The following RNF128 variants were observed in gnomAD, a reference collection of about 807,000 sequenced individuals.
RNF128 encodes the protein ring finger protein 128, also known as E3 ubiquitin-protein ligase RNF128.
Under a neutral mutation model 26.2 loss-of-function variants are expected in RNF128, and 13 were observed. The ratio of observed to expected loss-of-function variants is 0.50; its 90% CI spans 0.32 to 0.79. RNF128 has a LOEUF of 0.79. RNF128 is among the 30% of genes least tolerant of loss of function. The pLI, the probability that RNF128 is intolerant of heterozygous loss-of-function variation, is 0.03. For missense variants in RNF128, 315 were observed against 349.7 expected (o/e 0.90, Z 0.79); for synonymous variants, 149 against 142.5 (o/e 1.05, Z -0.32).
chrX:106,736,489 T>C (rs1010813540), intron 1 of RNF128, among the ~76,000 whole-genome samples: 1 of 111,667 alleles, frequency 9.0e-6, no homozygotes, highest in Non-Finnish European at 1.9e-5. Context: ...TTTTCAAAAA[T>C]TTTGTGCTTC....
At chrX:106,794,131 C>T (rs1930875223) in intron 6 of RNF128, among the ~76,000 whole-genome samples, 1 of 106,922 alleles carries the variant, frequency 9.4e-6, no homozygotes, top group Non-Finnish European at 1.9e-5. Flanking sequence ...AGGAAGAGCT[C>T]TTCCTTCTCC....
chrX:106,785,947 T>C (rs1352743963), intron 3 of RNF128, among the ~76,000 whole-genome samples: 1 of 111,813 alleles, frequency 8.9e-6, no homozygotes, highest in Non-Finnish European at 1.9e-5. Flanking sequence ...TGGAAACATA[T>C]ACCATGTTCA....
In RNF128 at chrX:106,794,577, A is replaced by T. The variant is rs781703895; in HGVS notation, c.1154-1003A>T. On this transcript the variant is annotated intron_variant, in intron 6 of 6. Coordinates refer to ENST00000255499, the MANE Select transcript of RNF128 (RefSeq NM_194463.2). ...CCCTAGAATCAGCCACTTCTTCAGG[A>T]GGCCTTTTACTGGAGAATAGTATTT... Among the ~76,000 whole-genome samples the T allele has an allele frequency of 7.2e-5, 8 of 110,895 alleles. No individual in the cohort carries two copies. The East Asian group carries it at 2.3e-3, about 31-fold the overall frequency.
intron 4 of RNF128, among the ~76,000 whole-genome samples, chrX:106,789,803 G>A (rs1327564328): frequency 1.8e-5 from 2 of 109,044 alleles, no homozygotes; most frequent in Non-Finnish European, 3.8e-5. Context: ...TAAAGCATCA[G>A]TACAGTGTTG....
intron 1 of RNF128, among the ~76,000 whole-genome samples, chrX:106,756,174 C>T (rs1296720972): frequency 1.8e-5 from 2 of 111,370 alleles, no homozygotes; most frequent in South Asian, 3.8e-4. Context: ...AGGTAATTTA[C>T]AGATTCAATG....
At chrX:106,732,190 A>G (rs1929512256) in intron 1 of RNF128, among the ~76,000 whole-genome samples, 1 of 111,396 alleles carries the variant, frequency 9.0e-6, no homozygotes, top group Admixed American at 9.6e-5. Context: ...TGCAACACAA[A>G]TGCCTCCTCA....
intron 1 of RNF128, among the ~76,000 whole-genome samples, chrX:106,729,572 A>G (rs1469240851): frequency 9.0e-6 from 1 of 111,449 alleles, no homozygotes; most frequent in Non-Finnish European, 1.9e-5. Context: ...GTTTCAGGAT[A>G]CCATATAGGA....
chrX:106,694,409 G>T lies in RNF128; in HGVS notation c.406+1G>T, dbSNP rs745407388. On this transcript the variant is annotated splice_donor_variant, in intron 1 of 6. Transcript: ENST00000324342. LOFTEE classifies it high-confidence loss of function. Reference sequence around the variant, plus strand: ...CAGACGATACAGATGGCAAATTTTGGTAAGTAATAATTGATTCACAAAGAG... The same window carrying T: ...CAGACGATACAGATGGCAAATTTTGTTAAGTAATAATTGATTCACAAAGAG... The T allele has an allele frequency of 4.3e-6, 5 of 1,170,831 alleles. No individual in the cohort carries two copies. In the Admixed American group the frequency reaches 9.9e-5, roughly 23 times the overall value.
intron 1 of RNF128, among the ~76,000 whole-genome samples, chrX:106,700,535 G>C (rs1928941768): frequency 9.6e-6 from 1 of 103,939 alleles, no homozygotes; most frequent in African/African-American, 4.3e-5. Flanking sequence ...AATGAAGTTT[G>C]GTAAATTTGG....
At chrX:106,779,348 C>CGTGTGTGT (rs372716238) in intron 2 of RNF128, among the ~76,000 whole-genome samples, 1,692 of 90,078 alleles carry the variant, frequency 0.019, 40 homozygotes, top group African/African-American at 0.053. Context: ...TACACAGTTA[C>CGTGTGTGT]GTGTGTGTGT....
chrX:106,766,286 G>A (rs1010459978), intron 1 of RNF128, among the ~76,000 whole-genome samples: 3 of 111,711 alleles, frequency 2.7e-5, no homozygotes, highest in Non-Finnish European at 3.8e-5. Flanking sequence ...TTGAGGAATC[G>A]CCACACTGTC....
intron 1 of RNF128, among the ~76,000 whole-genome samples, chrX:106,734,464 C>T (rs1420859330): frequency 2.7e-5 from 3 of 110,988 alleles, no homozygotes; most frequent in African/African-American, 9.8e-5. Flanking sequence ...GAGGTTTGCA[C>T]CTGGTTTCCC....
intron 2 of RNF128, among the ~76,000 whole-genome samples, chrX:106,776,563 G>A (rs1261790705): frequency 9.0e-6 from 1 of 111,577 alleles, no homozygotes; most frequent in Non-Finnish European, 1.9e-5. Context: ...ATCAATATTG[G>A]GAAAGAGAAT....
chrX:106,775,096 A>G (rs1204205111), intron 2 of RNF128, among the ~76,000 whole-genome samples: 10 of 112,264 alleles, frequency 8.9e-5, no homozygotes. Context: ...CATTGGTGGC[A>G]GGTTCAGCCT....
intron 1 of RNF128, among the ~76,000 whole-genome samples, chrX:106,766,046 C>A (rs1459331504): frequency 9.0e-6 from 1 of 111,188 alleles, no homozygotes; most frequent in African/African-American, 3.3e-5. Flanking sequence ...AAGACATGAA[C>A]TCATCTTTTT....
In RNF128 at chrX:106,710,746, CAAAAAAAAAAAAA is replaced by C. The variant is rs11326354; in HGVS notation, c.406+16351_406+16363del. Among the ~76,000 whole-genome samples the C allele has an allele frequency of 4.2e-3, 148 of 35,210 alleles. 1 individual carries two copies. The highest frequency in any genetic ancestry group is 0.016 in the African/African-American group (125 of 8,009). 30.6% of individuals were successfully genotyped at this position (35,210 alleles called of 115,157 possible). A position where few individuals can be genotyped will look rare whatever the true frequency, so the allele number is the denominator to read the frequency against. ...CACTCCAGCCTGGACGAAAGTCTGTCAAAAAAAAAAAAAAAAAAAAAAAAAGCTGATCTGGGTG... is the reference window on the plus strand; with the variant it reads ...CACTCCAGCCTGGACGAAAGTCTGTCAAAAAAAAAAAAGCTGATCTGGGTG... On this transcript the variant is annotated intron_variant, in intron 1 of 6. Coordinates refer to the RNF128 transcript ENST00000324342.
intron 1 of RNF128, among the ~76,000 whole-genome samples, chrX:106,760,882 T>C (rs1472428885): frequency 9.0e-6 from 1 of 111,686 alleles, no homozygotes; most frequent in Non-Finnish European, 1.9e-5. Context: ...CCAAAAGCAA[T>C]TGCAACAAAA....
chrX:106,788,311 AATATGTATTAATATT>A (rs1930694720), intron 4 of RNF128, among the ~76,000 whole-genome samples: 1 of 60,055 alleles, frequency 1.7e-5, no homozygotes, highest in Non-Finnish European at 2.9e-5. Flanking sequence ...TATACTATAT[AATATGTATTAATATT>A]ATATATACTA....
chrX:106,763,927 T>TTTTGGTTTGGTTTGG (rs749984429), intron 1 of RNF128, among the ~76,000 whole-genome samples: 7,879 of 105,728 alleles, frequency 0.075, 882 homozygotes, highest in African/African-American at 0.27. Context: ...TATCCTTGTT[T>TTTTGGTTTGGTTTGG]TTTGGTTTGG....
Sources: allele counts gnomAD v4.1 joint callset (sites outside exome capture counted in the v4.1 genomes callset), GRCh38; gene constraint gnomAD v4.1.1; transcripts MANE v1.5; gene names NCBI Gene and HGNC (gene_info 2026-07-23, HGNC 2026-07-21).